The following MEAK7 variants were observed in gnomAD, a reference collection of about 807,000 sequenced individuals.
MEAK7 encodes MTOR-associated protein MEAK7.
Under a neutral mutation model 40.5 loss-of-function variants are expected in MEAK7, and 68 were observed. The observed-to-expected ratio is 1.68, with a 90% CI of 1.38 to 2.06. MEAK7 has a LOEUF of 2.06. Ranked by LOEUF, MEAK7 falls within the 30% of genes most tolerant of loss-of-function variation. The pLI, the probability that MEAK7 is intolerant of heterozygous loss-of-function variation, is 0.00. For synonymous variants in MEAK7, 338 were observed against 231.9 expected, an observed-to-expected ratio of 1.46 and a Z score of -4.16; for missense variants, 918 against 580.5, an observed-to-expected ratio of 1.58 and a Z score of -5.98.
chr16:84,499,061 A>G (rs760429090), intron 1 of MEAK7, among the ~76,000 whole-genome samples: 1 of 152,230 alleles, frequency 6.6e-6, no homozygotes. Flanking sequence ...CCGTGCCTGT[A>G]TGATCCCGGC....
intron 3 of MEAK7, among the ~76,000 whole-genome samples, chr16:84,494,115 G>C (rs1913848944): frequency 6.6e-6 from 1 of 152,172 alleles, no homozygotes; most frequent in South Asian, 2.1e-4. Context: ...TTCTAGCAAA[G>C]ATAATTCAAA....
At chr16:84,498,884 G>C (rs1480627283) in intron 1 of MEAK7, among the ~76,000 whole-genome samples, 8 of 152,124 alleles carry the variant, frequency 5.3e-5, no homozygotes. Flanking sequence ...TTGTGATCCT[G>C]GCTCTGCCTC....
chr16:84,496,620 C>A (rs1024080212), intron 2 of MEAK7, among the ~76,000 whole-genome samples: 5 of 152,160 alleles, frequency 3.3e-5, no homozygotes, highest in African/African-American at 9.7e-5. Flanking sequence ...GTAGGGGGCC[C>A]AGACCAACCT....
At chr16:84,491,281 A>T (rs974853962) in intron 3 of MEAK7, among the ~76,000 whole-genome samples, 10 of 152,126 alleles carry the variant, frequency 6.6e-5, no homozygotes, top group African/African-American at 2.4e-4. Context: ...CTCTAAAAAT[A>T]CAAAAATTAA....
At chr16:84,486,347 G>C in intron 5 of MEAK7, 1 of 819,076 alleles carries the variant, frequency 1.2e-6, no homozygotes, top group South Asian at 3.5e-5. Context: ...CCCCTCGGAG[G>C]CATCTGTGGC....
chr16:84,486,910 G>C lies in MEAK7; in HGVS notation c.679C>G (p.Leu227Val). ...GFLILCSSLDLTTLVPERQVD... is the reference protein window; with the variant it reads ...GFLILCSSLDVTTLVPERQVD... ...TGACGCTCAGGGACCAGGGTAGTCA[G>C]ATCAAGAGACGAGCACAGGATGAGA... is the stretch of plus-strand genomic sequence containing the variant. The change falls in exon 5 of 8, where the codon CTG (leucine) becomes GTG (valine). Residue 227 changes from leucine (L) to valine (V), a missense_variant. Leu to Val is a conservative substitution (Grantham distance 32). Transcript: ENST00000343629. 6 of 1,614,192 alleles carry C rather than the reference G, an allele frequency of 3.7e-6. No individual in the cohort carries two copies. The highest frequency in any genetic ancestry group is 4.2e-6 in the Non-Finnish European group (5 of 1,180,032).
At chr16:84,490,462 TTTTTTTTTTTTTTTTTTA>T (rs1567497299) in intron 3 of MEAK7, among the ~76,000 whole-genome samples, 5 of 133,452 alleles carry the variant, frequency 3.7e-5, no homozygotes, top group African/African-American at 2.9e-5. Context: ...TTTTTTTTTT[TTTTTTTTTTTTTTTTTTA>T]CCTCAACAGC....
At position 84,478,509 on chromosome 16, in the gene MEAK7, C is replaced by G. The variant is rs868691725; in HGVS notation, c.*1404G>C. ...ATAAGAGGTTGTATTTTCATCAGAT[C>G]TGCAAAAGGTCAAAGCTTACAGCAA... On this transcript the variant is annotated 3_prime_UTR_variant, in exon 8 of 8. Coordinates refer to ENST00000343629, the MANE Select transcript of MEAK7 (RefSeq NM_020947.4). 2.0e-5 allele frequency: 3 copies of G among 152,242 alleles called. No homozygotes were observed. Among genetic ancestry groups the G allele is most frequent in the Non-Finnish European group, 4.4e-5 (3 of 68,048 alleles). 9.4% of individuals were successfully genotyped at this position (152,242 alleles called of 1,614,324 possible). A position where few individuals can be genotyped will look rare whatever the true frequency, so the allele number is the denominator to read the frequency against.
At chr16:84,502,236 T>TC (rs1471937774) in intron 1 of MEAK7, among the ~76,000 whole-genome samples, 1 of 151,550 alleles carries the variant, frequency 6.6e-6, no homozygotes, top group Non-Finnish European at 1.5e-5. Context: ...AGCAGTTTCG[T>TC]CCCCCAGGGG....
Position 84,480,727 on chromosome 16 carries a change from C to G in MEAK7, c.1078-19G>C. On this transcript the variant is annotated intron_variant, in intron 6 of 7. Coordinates refer to ENST00000343629, the MANE Select transcript of MEAK7 (RefSeq NM_020947.4). ...CCATACCCTGCAAAGGAAGCCAGGACAGAGAATAGCATCAGCAACTCCTCA... is the reference window on the plus strand; with the variant it reads ...CCATACCCTGCAAAGGAAGCCAGGAGAGAGAATAGCATCAGCAACTCCTCA... 1 of 1,598,418 alleles carries G rather than the reference C, an allele frequency of 6.3e-7. No homozygotes were observed. The highest frequency in any genetic ancestry group is 8.5e-7 in the Non-Finnish European group (1 of 1,172,230).
chr16:84,488,749 T>C (rs1248046124), intron 4 of MEAK7, among the ~76,000 whole-genome samples: 1 of 151,854 alleles, frequency 6.6e-6, no homozygotes, highest in Non-Finnish European at 1.5e-5. Flanking sequence ...TCAATGAAAA[T>C]AAAAACATAA....
intron 5 of MEAK7, among the ~76,000 whole-genome samples, chr16:84,483,443 C>T (rs1327812304): frequency 6.6e-6 from 1 of 152,198 alleles, no homozygotes; most frequent in African/African-American, 2.4e-5. Flanking sequence ...CTGCCCGCCT[C>T]GACACCAGCA....
chr16:84,504,066 C>A, intron 1 of MEAK7: 1 of 985,534 alleles, frequency 1.0e-6, no homozygotes, highest in Non-Finnish European at 1.2e-6. Flanking sequence ...TGAGCCTGGG[C>A]AAGAAGTTCC....
intron 3 of MEAK7, among the ~76,000 whole-genome samples, chr16:84,494,477 T>C (rs746658298): frequency 2.0e-5 from 3 of 152,286 alleles, no homozygotes. Context: ...CATTAAAAAA[T>C]AAGCTGTGCT....
At chr16:84,499,310 G>T (rs1306542856) in intron 1 of MEAK7, among the ~76,000 whole-genome samples, 1 of 152,190 alleles carries the variant, frequency 6.6e-6, no homozygotes, top group Non-Finnish European at 1.5e-5. Flanking sequence ...CGGAAACCCA[G>T]TGTCAATGAG....
chr16:84,494,242 T>C (rs1442868043), intron 3 of MEAK7, among the ~76,000 whole-genome samples: 1 of 152,146 alleles, frequency 6.6e-6, no homozygotes, highest in East Asian at 1.9e-4. Flanking sequence ...TACTATGATT[T>C]TGTCTTTAAT....
At chr16:84,490,489 G>C (rs2435170) in intron 3 of MEAK7, among the ~76,000 whole-genome samples, 3 of 124,316 alleles carry the variant, frequency 2.4e-5, no homozygotes, top group Non-Finnish European at 4.8e-5. Flanking sequence ...TACCTCAACA[G>C]CCTGAGTTTG....
In MEAK7 at chr16:84,486,821, G is replaced by A. The variant is rs529398404; in HGVS notation, c.768C>T (p.Ala256=). The change falls in exon 5 of 8, where the codon GCC becomes GCT. Residue 256 remains alanine, a synonymous_variant. Transcript: ENST00000343629. ...LDVLSVMYIN[A]QLPREQRHRW... Reference sequence around the variant, plus strand: ...GGTGCCGCTGCTCCCGAGGCAGCTGGGCGTTGATGTACATGACAGAGAGGA... The same window carrying A: ...GGTGCCGCTGCTCCCGAGGCAGCTGAGCGTTGATGTACATGACAGAGAGGA... 11 of 1,614,040 alleles carry A rather than the reference G, an allele frequency of 6.8e-6. No individual in the cohort carries two copies. The highest frequency in any genetic ancestry group is 4.0e-5 in the African/African-American group (3 of 75,048).
intron 1 of MEAK7, chr16:84,503,855 C>G (rs1914686550): frequency 1.1e-6 from 1 of 871,668 alleles, no homozygotes; most frequent in African/African-American, 1.8e-5. Flanking sequence ...CAGAGCTTCT[C>G]CAACAGGCTG....
Sources: allele counts gnomAD v4.1 joint callset (sites outside exome capture counted in the v4.1 genomes callset), GRCh38; gene constraint gnomAD v4.1.1; transcripts MANE v1.5; gene names NCBI Gene and HGNC (gene_info 2026-07-23, HGNC 2026-07-21).